The following BAZ2B variants were observed in gnomAD, a reference collection of about 807,000 sequenced individuals.
BAZ2B encodes bromodomain adjacent to zinc finger domain 2B, also known as bromodomain adjacent to zinc finger domain protein 2B.
Under a neutral mutation model 246.0 loss-of-function variants are expected in BAZ2B, and 91 were observed. The observed-to-expected ratio is 0.37, with a 90% CI of 0.31 to 0.44. The LOEUF (loss-of-function observed/expected upper bound fraction) is 0.44. BAZ2B is among the 20% of genes least tolerant of loss of function. The probability of loss-of-function intolerance (pLI) is 1.00; values close to 1 mark genes in which losing one functional copy is unlikely to be tolerated. For missense variants in BAZ2B, 2,332 were observed against 2,533.7 expected, an observed-to-expected ratio of 0.92 and a Z score of 1.71; for synonymous variants, 855 against 860.0, an observed-to-expected ratio of 0.99 and a Z score of 0.10.
At chr2:159,670,913 C>T in the BAZ2B span, 2 of 152,272 alleles carry the variant, frequency 1.3e-5, no homozygotes, top group East Asian at 3.9e-4. Context: ...TCTGGACTGA[C>T]TGATTTATTG....
chr2:159,400,855 A>ATG (rs2064913198), intron 16 of BAZ2B, among the ~76,000 whole-genome samples, 191 bp from the exon 17 acceptor site: 1 of 152,132 alleles, frequency 6.6e-6, no homozygotes, highest in South Asian at 2.1e-4. Flanking sequence ...CCTGGCTAAC[A>ATG]CAGTGAAACC....
chr2:159,398,932 C>CACCA (rs2064500951), intron 17 of BAZ2B, 38 bp from the exon 18 acceptor site: 1 of 1,574,278 alleles, frequency 6.4e-7, no homozygotes, highest in Non-Finnish European at 8.7e-7. Context: ...CATGCAACAG[C>CACCA]ACCACTACAA....
intron 13 of BAZ2B, among the ~76,000 whole-genome samples, chr2:159,412,835 A>G (rs1459849404): frequency 6.6e-6 from 1 of 152,172 alleles, no homozygotes; most frequent in African/African-American, 2.4e-5. Context: ...TCTGAACTAT[A>G]ATGACCATCG....
intron 2 of BAZ2B, among the ~76,000 whole-genome samples, chr2:159,491,741 A>AAAAAAAAAAAAG: frequency 6.8e-6 from 1 of 147,322 alleles, no homozygotes; most frequent in African/African-American, 2.5e-5. Flanking sequence ...AAAAAAAAAA[A>AAAAAAAAAAAAG]AAAAAGTCTT....
At chr2:159,587,017 C>T (rs1405875017) in intron 1 of BAZ2B, among the ~76,000 whole-genome samples, 1 of 152,080 alleles carries the variant, frequency 6.6e-6, no homozygotes, top group South Asian at 2.1e-4. Context: ...TGTCTCTTCC[C>T]CTTTTTAACA....
At chr2:159,534,755 C>T (rs896310684) in intron 2 of BAZ2B, among the ~76,000 whole-genome samples, 3 of 152,034 alleles carry the variant, frequency 2.0e-5, no homozygotes, top group African/African-American at 2.4e-5. Flanking sequence ...TACAGGCATG[C>T]ACCTCTGCAC....
chr2:159,615,540 A>T (rs1356707105), intron 1 of BAZ2B: 1 of 152,074 alleles, frequency 6.6e-6, no homozygotes, highest in Non-Finnish European at 1.5e-5. Flanking sequence ...TACACACGGG[A>T]GAGCTAGAGG....
At chr2:159,386,849 A>G (rs766595246) in intron 21 of BAZ2B, among the ~76,000 whole-genome samples, 1 of 152,096 alleles carries the variant, frequency 6.6e-6, no homozygotes, top group African/African-American at 2.4e-5. Context: ...GTTGAACTCA[A>G]TTATGAACTT....
chr2:159,453,284 T>A (rs1285669263), intron 4 of BAZ2B, among the ~76,000 whole-genome samples: 1 of 152,170 alleles, frequency 6.6e-6, no homozygotes. Context: ...AAAAATTAAT[T>A]CAACTCTACA....
At chr2:159,706,875 A>T in the BAZ2B span, among the ~76,000 whole-genome samples, 2 of 152,306 alleles carry the variant, frequency 1.3e-5, no homozygotes, top group East Asian at 1.9e-4. Flanking sequence ...TAAAGAGATT[A>T]CTCTTGATAA....
At chr2:159,630,780 C>T in the BAZ2B span, among the ~76,000 whole-genome samples, 3 of 152,092 alleles carry the variant, frequency 2.0e-5, no homozygotes, top group African/African-American at 4.8e-5. Flanking sequence ...GTGATCCGCC[C>T]GCCTCGGCCT....
chr2:159,636,143 C>T, the BAZ2B span, among the ~76,000 whole-genome samples: 2 of 152,144 alleles, frequency 1.3e-5, no homozygotes, highest in Non-Finnish European at 2.9e-5. Context: ...ACTGCTCGAC[C>T]CCCAAATGGA....
intron 1 of BAZ2B, among the ~76,000 whole-genome samples, chr2:159,575,706 G>T (rs1314747082): frequency 1.3e-5 from 2 of 151,980 alleles, no homozygotes; most frequent in Non-Finnish European, 2.9e-5. Flanking sequence ...CTAGAAATTG[G>T]AATAATAGGT....
chr2:159,578,384 T>G (rs572368638), intron 1 of BAZ2B, among the ~76,000 whole-genome samples: 1 of 152,352 alleles, frequency 6.6e-6, no homozygotes, highest in East Asian at 1.9e-4. Flanking sequence ...GCACACCCTT[T>G]GCCCTTTTTG....
At chr2:159,449,902 G>T (rs1246711380) in intron 4 of BAZ2B, among the ~76,000 whole-genome samples, 1 of 152,164 alleles carries the variant, frequency 6.6e-6, no homozygotes, top group Non-Finnish European at 1.5e-5. Context: ...CAGGCACAGT[G>T]GTTCACACTT....
chr2:159,672,779 T>C, the BAZ2B span, among the ~76,000 whole-genome samples: 1 of 152,188 alleles, frequency 6.6e-6, no homozygotes, highest in Non-Finnish European at 1.5e-5. Context: ...CACTTTTTGA[T>C]AAATAATGTT....
chr2:159,352,440 A>G (rs2058664024), intron 27 of BAZ2B, among the ~76,000 whole-genome samples: 1 of 151,794 alleles, frequency 6.6e-6, no homozygotes. Flanking sequence ...CACGTACTAG[A>G]ATTTAAATCA....
chr2:159,398,085 A>C (rs1356911342), intron 18 of BAZ2B: 2 of 152,184 alleles, frequency 1.3e-5, no homozygotes, highest in African/African-American at 2.4e-5. Flanking sequence ...AAATAAAGTA[A>C]GACAGTCTAT....
intron 26 of BAZ2B, among the ~76,000 whole-genome samples, chr2:159,373,896 C>T (rs2061120209): frequency 6.6e-6 from 1 of 152,140 alleles, no homozygotes; most frequent in African/African-American, 2.4e-5. Flanking sequence ...TATGTTTACA[C>T]TCATGTTGTA....
Sources: allele counts gnomAD v4.1 joint callset (sites outside exome capture counted in the v4.1 genomes callset), GRCh38; gene constraint gnomAD v4.1.1; transcripts MANE v1.5; gene names NCBI Gene and HGNC (gene_info 2026-07-23, HGNC 2026-07-21).